The following LSG1 variants were observed in gnomAD, a reference collection of about 807,000 sequenced individuals.
LSG1 encodes the protein large subunit GTPase 1 homolog.
A neutral mutation model predicts 82.6 loss-of-function variants in LSG1; 55 were observed. The ratio of observed to expected loss-of-function variants is 0.67; its 90% CI spans 0.54 to 0.83. The LOEUF (loss-of-function observed/expected upper bound fraction) is 0.83, where lower values mean the gene tolerates loss of function less well. Ranked by LOEUF, LSG1 falls within the 40% of genes least tolerant of loss-of-function variation. The probability of loss-of-function intolerance (pLI) is 0.00; values close to 1 mark genes in which losing one functional copy is unlikely to be tolerated. For missense variants in LSG1, 809 were observed against 807.9 expected (o/e 1.00, Z -0.02); for synonymous variants, 272 against 282.5 (o/e 0.96, Z 0.37).
intron 12 of LSG1, 130 bp downstream of exon 12, chr3:194,646,034 A>C: frequency 1.2e-6 from 1 of 859,452 alleles, no homozygotes; most frequent in Admixed American, 2.2e-5. Context: ...ACTACCCTAC[A>C]TCAAGAACAC....
At position 194,641,824 on chromosome 3, in the gene LSG1, G is replaced by A. The variant is rs539741753; in HGVS notation, c.*244C>T. 31 of 375,296 alleles carry A rather than the reference G, an allele frequency of 8.3e-5. No homozygotes were observed. The highest frequency in any genetic ancestry group is 1.3e-4 in the Admixed American group (3 of 22,902). The allele number at this position is 375,296 out of a possible 1,614,324, so 23.2% of individuals were successfully genotyped here. ...AGAGACGGGGTTTCTCCATGTTGGT[G>A]CGTGAGCCACTGTGCCCGGCCAGGA... is the stretch of plus-strand genomic sequence containing the variant. On this transcript the variant is annotated 3_prime_UTR_variant, in exon 14 of 14. Transcript: ENST00000265245.
chr3:194,663,159 G>T (rs900373016), intron 5 of LSG1, among the ~76,000 whole-genome samples: 1 of 152,208 alleles, frequency 6.6e-6, no homozygotes, highest in Non-Finnish European at 1.5e-5. Context: ...TTCTGCACTT[G>T]TTACCATTTC....
In LSG1 at chr3:194,669,190, A is replaced by G. The variant is rs189362611; in HGVS notation, c.226+819T>C. Among the ~76,000 whole-genome samples, 101 of 152,304 alleles carry G rather than the reference A, an allele frequency of 6.6e-4. 1 individual carries two copies. In the East Asian group the frequency reaches 0.019, roughly 28 times the overall value. On this transcript the variant is annotated intron_variant, in intron 2 of 13. Transcript: ENST00000265245. ...TATGAAATTTGCTAAGACAGTATAT[A>G]TCTTGTTCTCACCGCACACACAAAA... is the stretch of plus-strand genomic sequence containing the variant.
chr3:194,642,137 GGGCT>G lies in LSG1; in HGVS notation c.1904_1907del (p.Lys635ThrfsTer54). ...TATTTCTGTTGCCATGTTTTTTCCA[GGGCT>G]TCCCCGCCCCGTTCTCAGAGCTCGC... On this transcript the variant is annotated frameshift_variant, in exon 14 of 14. Transcript: ENST00000265245. LOFTEE classifies it high-confidence loss of function. 6.2e-7 allele frequency: 1 copy of G among 1,613,686 alleles called. No individual in the cohort carries two copies. Among genetic ancestry groups the G allele is most frequent in the Non-Finnish European group, 8.5e-7 (1 of 1,179,990 alleles).
intron 7 of LSG1, among the ~76,000 whole-genome samples, chr3:194,657,428 T>G (rs1718814759): frequency 6.7e-6 from 1 of 149,714 alleles, no homozygotes; most frequent in Non-Finnish European, 1.5e-5. Context: ...TATCTTTCCA[T>G]ATAAAGATGG....
intron 5 of LSG1, among the ~76,000 whole-genome samples, chr3:194,662,245 C>A (rs1180214391): frequency 6.6e-6 from 1 of 152,220 alleles, no homozygotes; most frequent in Non-Finnish European, 1.5e-5. Flanking sequence ...AGCCCCCATT[C>A]CCCACCCCAA....
rs1425595327 is a variant in LSG1 at position 194,640,891 on chromosome 3, T to C, written c.*1177A>G. The C allele has an allele frequency of 6.6e-6, 1 of 152,560 alleles. No homozygotes were observed. The highest frequency in any genetic ancestry group is 2.4e-5 in the African/African-American group (1 of 41,410). The allele number at this position is 152,560 out of a possible 1,614,324, so 9.5% of individuals were successfully genotyped here. A position where few individuals can be genotyped will look rare whatever the true frequency, so the allele number is the denominator to read the frequency against. On this transcript the variant is annotated 3_prime_UTR_variant, in exon 14 of 14. Coordinates refer to ENST00000265245, the MANE Select transcript of LSG1 (RefSeq NM_018385.3). ...GGAGGCCTCAGGAAACTTACAATCA[T>C]GTTAGAAGGCGAAGGAGAAGCAGGC... is the stretch of plus-strand genomic sequence containing the variant.
At position 194,652,876 on chromosome 3, in the gene LSG1, T is replaced by C. The variant is rs1440670254; in HGVS notation, c.1026A>G (p.Ala342=). The C allele has an allele frequency of 2.5e-6, 4 of 1,614,174 alleles. No individual in the cohort carries two copies. The Admixed American group carries it at 5.0e-5, about 20-fold the overall frequency. ...CSQDWKESST[A]DSEARSRKTP... is the part of the protein sequence containing the mutation. ...TTTTCCTGCTCCGAGCCTCAGAATC[T>C]GCAGTAGAGCTTTCCTTCCAGTCCT... The change falls in exon 8 of 14, where the codon GCA becomes GCG. Residue 342 remains alanine (A), a synonymous_variant. Transcript: ENST00000265245.
chr3:194,660,019 G>A lies in LSG1; in HGVS notation c.582+54C>T, dbSNP rs1718891270. On this transcript the variant is annotated intron_variant, in intron 6 of 13. Coordinates refer to ENST00000265245, the MANE Select transcript of LSG1 (RefSeq NM_018385.3). The stretch of plus-strand genomic sequence containing the variant: ...TACAGTCATTGCTGAGGGATGCGGT[G>A]CTGGCACTGCTACTCAAAGGACTGA... 3.0e-5 allele frequency: 43 copies of A among 1,438,446 alleles called. No individual in the cohort carries two copies. The South Asian group carries it at 4.5e-4, about 15-fold the overall frequency. The allele number at this position is 1,438,446 out of a possible 1,614,324, so 89.1% of individuals were successfully genotyped here.
chr3:194,669,953 T>G, intron 2 of LSG1, 56 bp downstream of exon 2: 2 of 1,568,622 alleles, frequency 1.3e-6, no homozygotes, highest in Non-Finnish European at 1.7e-6. Context: ...AAAAAAAACC[T>G]CAGCCCCAGA....
chr3:194,672,119 G>A lies in LSG1; in HGVS notation c.44C>T (p.Ala15Val). 4 of 1,607,974 alleles carry A rather than the reference G, an allele frequency of 2.5e-6. No individual in the cohort carries two copies. The highest frequency in any genetic ancestry group is 2.5e-6 in the Non-Finnish European group (3 of 1,179,938). ...CCGCTGAGTCTGATGGCGCATAAGG[G>A]CCCGTCCCAGCGACCCACCGGCCGG... The part of the protein sequence containing the change: ...RAPAGGSLGR[A>V]LMRHQTQRSR... The change falls in exon 1 of 14, where the codon GCC (alanine) becomes GTC (valine). Residue 15 changes from alanine to valine, a missense_variant. Coordinates refer to ENST00000265245, the MANE Select transcript of LSG1 (RefSeq NM_018385.3).
At position 194,645,581 on chromosome 3, in the gene LSG1, C is replaced by CACACACAGACAG. The variant is rs1718528304; in HGVS notation, c.1623+582_1623+583insCTGTCTGTGTGT. Among the ~76,000 whole-genome samples the CACACACAGACAG allele has an allele frequency of 4.1e-4, 27 of 65,588 alleles. 3 individuals are homozygous for CACACACAGACAG. The Admixed American group carries it at 4.3e-3, about 11-fold the overall frequency. 43.0% of individuals were successfully genotyped at this position (65,588 alleles called of 152,430 possible). A position where few individuals can be genotyped will look rare whatever the true frequency, so the allele number is the denominator to read the frequency against. ...ACACACACACACACAGACAGACACA[C>CACACACAGACAG]ACACACACACACACACACACACACA... On this transcript the variant is annotated intron_variant, in intron 12 of 13. Transcript: ENST00000265245.
At chr3:194,668,464 T>C (rs1277048755) in intron 2 of LSG1, among the ~76,000 whole-genome samples, 1 of 152,194 alleles carries the variant, frequency 6.6e-6, no homozygotes, top group Admixed American at 6.5e-5. Context: ...ATTTTAGCTA[T>C]CCTAGTGGGT....
chr3:194,647,539 T>C lies in LSG1; in HGVS notation c.1543+1142A>G, dbSNP rs772958247. On this transcript the variant is annotated intron_variant, in intron 11 of 13. Coordinates refer to ENST00000265245, the MANE Select transcript of LSG1 (RefSeq NM_018385.3). ...ATTTTCTTCTATATGGACTTGCAGA[T>C]AGTGAACTTAGAAATTGTACGTGTG... is the stretch of plus-strand genomic sequence containing the variant. Among the ~76,000 whole-genome samples the C allele has an allele frequency of 3.6e-4, 55 of 152,252 alleles. 1 individual carries two copies. The highest frequency in any genetic ancestry group is 1.9e-4 in the Non-Finnish European group (13 of 68,042).
At position 194,658,911 on chromosome 3, in the gene LSG1, C is replaced by A; in HGVS notation, c.759+46G>T. 2.7e-6 allele frequency: 4 copies of A among 1,470,876 alleles called. No individual in the cohort carries two copies. In the South Asian group the frequency reaches 3.7e-5, roughly 14 times the overall value. 91.1% of individuals were successfully genotyped at this position (1,470,876 alleles called of 1,614,324 possible). ...CAAACGAAGCACATTAACAAGAAAT[C>A]AAAATTCCCTCTTTGAAAGCCAACC... On this transcript the variant is annotated intron_variant, in intron 7 of 13. Coordinates refer to ENST00000265245, the MANE Select transcript of LSG1 (RefSeq NM_018385.3).
Position 194,653,120 on chromosome 3 carries a change from C to T in LSG1, c.782G>A (p.Arg261Lys), listed in dbSNP as rs760018511. The T allele has an allele frequency of 1.4e-5, 23 of 1,613,832 alleles. No individual in the cohort carries two copies. Among genetic ancestry groups the T allele is most frequent in the Non-Finnish European group, 1.9e-5 (23 of 1,179,850 alleles). ...TCCAAACTTGGTTGTGTTGCTTTGT[C>T]TATCATCTCTGTTTGCCTCTTCCTG... ...DSEEEANRDD[R>K]QSNTTKFGHS... The change falls in exon 8 of 14, where the codon AGA becomes AAA. Residue 261 changes from arginine (R) to lysine (K), a missense_variant. Coordinates refer to ENST00000265245, the MANE Select transcript of LSG1 (RefSeq NM_018385.3).
At chr3:194,657,183 TA>T (rs56027721) in intron 7 of LSG1, among the ~76,000 whole-genome samples, 14,841 of 142,572 alleles carry the variant, frequency 0.1, 1,578 homozygotes, top group African/African-American at 0.28. Flanking sequence ...AAGGCAACCT[TA>T]AAAAAAAAAA....
chr3:194,669,728 T>A (rs141716238), intron 2 of LSG1, among the ~76,000 whole-genome samples: 1 of 152,058 alleles, frequency 6.6e-6, no homozygotes, highest in Non-Finnish European at 1.5e-5. Flanking sequence ...GGTCAGGAGA[T>A]CAAGAACATC....
At position 194,660,055 on chromosome 3, in the gene LSG1, T is replaced by C. The variant is rs201343401; in HGVS notation, c.582+18A>G. The C allele has an allele frequency of 3.7e-6, 6 of 1,609,096 alleles. No homozygotes were observed. In the African/African-American group the frequency reaches 5.3e-5, roughly 14 times the overall value. On this transcript the variant is annotated intron_variant, in intron 6 of 13. Transcript: ENST00000265245. Reference sequence around the variant, plus strand: ...TACTCAAAGGACTGATGTTTGAATTTTGTCAAACTTGACTTACCAAATCCT... The same window carrying C: ...TACTCAAAGGACTGATGTTTGAATTCTGTCAAACTTGACTTACCAAATCCT...
Sources: allele counts gnomAD v4.1 joint callset (sites outside exome capture counted in the v4.1 genomes callset), GRCh38; gene constraint gnomAD v4.1.1; transcripts MANE v1.5; gene names NCBI Gene and HGNC (gene_info 2026-07-23, HGNC 2026-07-21).